Variants in AMER2 observed in about 807,000 individuals in gnomAD.
AMER2 encodes APC membrane recruitment protein 2, also known as family with sequence similarity 123A.
Under a neutral mutation model 4.7 loss-of-function variants are expected in AMER2, and 1 was observed. The observed-to-expected ratio is 0.21, with a 90% CI of 0.07 to 1.00. AMER2 has a LOEUF of 1.00. AMER2 is among the 50% of genes least tolerant of loss of function. AMER2 has a pLI of 0.60. For synonymous variants in AMER2, 485 were observed against 433.3 expected (o/e 1.12, Z -1.48); for missense variants, 988 against 966.9 (o/e 1.02, Z -0.29).
rs1237226944 is a variant in AMER2, at chr13:25,169,849, T to C, written c.1771A>G (p.Thr591Ala). The C allele has an allele frequency of 6.2e-7, 1 of 1,614,016 alleles. No individual in the cohort carries two copies. Among genetic ancestry groups the C allele is most frequent in the Non-Finnish European group, 8.5e-7 (1 of 1,179,976 alleles). ...LSRLKPVSPG[T>A]ITCPLRTPGS... ...GGTGTTCGCAGTGGACAGGTGATGG[T>C]GCCTGGAGATACGGGCTTTAACCGG... Residue 591 changes from threonine (T) to alanine (A), a missense_variant, in exon 1 of 1, where the codon ACC (threonine) becomes GCC (alanine). Physicochemically the swap from Thr to Ala is moderately conservative, Grantham distance 58. Transcript: ENST00000515384. This position sits in a 1 kb window ranked among gnomAD's most constrained non-coding sequence, Gnocchi z 4.2.
At position 25,170,064 on chromosome 13, in the gene AMER2, T is replaced by A; in HGVS notation, c.1556A>T (p.Asn519Ile). The change falls in exon 1 of 1, where the codon AAC becomes ATC. Residue 519 changes from asparagine to isoleucine, a missense_variant. By Grantham distance (149) the Asn-to-Ile change is moderately radical. Coordinates refer to ENST00000515384, the MANE Select transcript of AMER2 (RefSeq NM_152704.4). This position sits in a 1 kb window ranked among gnomAD's most constrained non-coding sequence, Gnocchi z 7.3. ...GGAGTCCCAGTAGCCCTCGTCGCTG[T>A]TGGGGACGCCTTCCTGCTGCTCCTT... ...PEKEQQEGVP[N>I]SDEGYWDSTT... 1.2e-6 allele frequency: 2 copies of A among 1,613,988 alleles called. No homozygotes were observed. The highest frequency in any genetic ancestry group is 1.7e-6 in the Non-Finnish European group (2 of 1,179,990).
rs1956431009 is a variant in AMER2 at position 25,163,219 on chromosome 13, A to T, written c.*6385T>A. The T allele has an allele frequency of 6.6e-6, 1 of 152,256 alleles. No individual in the cohort carries two copies. Among genetic ancestry groups the T allele is most frequent in the Non-Finnish European group, 1.5e-5 (1 of 68,050 alleles). The allele number at this position is 152,256 out of a possible 1,614,324, so 9.4% of individuals were successfully genotyped here. On this transcript the variant is annotated 3_prime_UTR_variant, in exon 1 of 1. Coordinates refer to ENST00000515384, the MANE Select transcript of AMER2 (RefSeq NM_152704.4). ...GAACCCTTGTGCACCATTGGTAAGT[A>T]TGTAAACAGATGCAACCACTGTGGA...
At position 25,170,729 on chromosome 13, in the gene AMER2, T is replaced by C; in HGVS notation, c.891A>G (p.Gly297=). Residue 297 remains glycine, a synonymous_variant, in exon 1 of 1, where the codon GGA becomes GGG. Transcript: ENST00000515384. The surrounding 1 kb of genome is among the most constrained non-coding windows in gnomAD (Gnocchi z 7.3). ...CGCGCCGATGCCCCGCGGCGTCCTC[T>C]CCCCGGGCGCCGGTGTCGCCGGGGT... ...LAHPGDTGAR[G]EDAAGHRRAE... is the part of the protein sequence containing the mutation. 7.0e-7 allele frequency: 1 copy of C among 1,433,130 alleles called. No homozygotes were observed. Among genetic ancestry groups the C allele is most frequent in the East Asian group, 3.0e-5 (1 of 33,796 alleles). 88.8% of individuals were successfully genotyped at this position (1,433,130 alleles called of 1,614,324 possible).
At position 25,171,179 on chromosome 13, in the gene AMER2, G is replaced by C. The variant is rs777373064; in HGVS notation, c.441C>G (p.Pro147=). The C allele has an allele frequency of 6.6e-7, 1 of 1,516,662 alleles. No individual in the cohort carries two copies. Among genetic ancestry groups the C allele is most frequent in the Non-Finnish European group, 8.8e-7 (1 of 1,132,338 alleles). The allele number at this position is 1,516,662 out of a possible 1,614,324, so 94.0% of individuals were successfully genotyped here. ...PNPGPPRAAG[P]GGGSLASSSV... ...AGCTGCTGGCGAGGGAGCCCCCGCC[G>C]GGCCCTGCGGCTCTGGGGGGCCCCG... The change falls in exon 1 of 1, where the codon CCC becomes CCG. Residue 147 remains proline, a synonymous_variant. Transcript: ENST00000515384. This position sits in a 1 kb window ranked among gnomAD's most constrained non-coding sequence, Gnocchi z 5.9.
rs1226009625 is a variant in AMER2, at chr13:25,169,437, C to G, written c.*167G>C. The G allele has an allele frequency of 1.3e-5, 10 of 797,526 alleles. No individual in the cohort carries two copies. The highest frequency in any genetic ancestry group is 1.8e-5 in the African/African-American group (1 of 57,102). 49.4% of individuals were successfully genotyped at this position (797,526 alleles called of 1,614,324 possible). On this transcript the variant is annotated 3_prime_UTR_variant, in exon 1 of 1. Coordinates refer to ENST00000515384, the MANE Select transcript of AMER2 (RefSeq NM_152704.4). The surrounding 1 kb of genome is among the most constrained non-coding windows in gnomAD (Gnocchi z 4.2). ...ATCCCTCTTTCTGGTGTTATCCGGT[C>G]CCTGCTCAGGGCACAAAGACCTCCT...
rs2137432735 is a variant in AMER2 at position 25,165,154 on chromosome 13, T to C, written c.*4450A>G. ...CACGAAACTATCATTCTGAATCACC[T>C]CTTAAAAACATCATCTGCAGTGACA... On this transcript the variant is annotated 3_prime_UTR_variant, in exon 1 of 1. Transcript: ENST00000515384. 1 of 152,374 alleles carries C rather than the reference T, an allele frequency of 6.6e-6. No homozygotes were observed. The highest frequency in any genetic ancestry group is 1.5e-5 in the Non-Finnish European group (1 of 68,038). 9.4% of individuals were successfully genotyped at this position (152,374 alleles called of 1,614,324 possible).
rs2137430982 is a variant in AMER2 at position 25,164,179 on chromosome 13, C to A, written c.*5425G>T. ...TCTTACTGCAATTAAAACACACACA[C>A]ATATGCATAGACCACCCAGAACCCA... On this transcript the variant is annotated 3_prime_UTR_variant, in exon 1 of 1. Coordinates refer to ENST00000515384, the MANE Select transcript of AMER2 (RefSeq NM_152704.4). 6.6e-6 allele frequency: 1 copy of A among 151,314 alleles called. No homozygotes were observed. Among genetic ancestry groups the A allele is most frequent in the African/African-American group, 2.4e-5 (1 of 41,202 alleles). 9.4% of individuals were successfully genotyped at this position (151,314 alleles called of 1,614,324 possible).
In AMER2 at chr13:25,170,421, A is replaced by G. The variant is rs944735497; in HGVS notation, c.1199T>C (p.Val400Ala). The change falls in exon 1 of 1, where the codon GTC becomes GCC. Residue 400 changes from valine to alanine, a missense_variant. By Grantham distance (64) the Val-to-Ala change is moderately conservative (BLOSUM62 0). Coordinates refer to ENST00000515384, the MANE Select transcript of AMER2 (RefSeq NM_152704.4). The surrounding 1 kb of genome is among the most constrained non-coding windows in gnomAD (Gnocchi z 7.3). ...EEAGPSCDKH[V>A]PGPGKPALSK... is the part of the protein sequence containing the mutation. ...CAGAGCCGGCTTGCCTGGCCCGGGG[A>G]CATGCTTGTCACAGCTGGGACCTGC... 6.2e-7 allele frequency: 1 copy of G among 1,614,062 alleles called. No individual in the cohort carries two copies. Among genetic ancestry groups the G allele is most frequent in the Admixed American group, 1.7e-5 (1 of 60,024 alleles).
In AMER2 at chr13:25,171,214, GC is replaced by G; in HGVS notation, c.405del (p.Arg136GlyfsTer32). The G allele has an allele frequency of 7.3e-7, 1 of 1,365,076 alleles. No homozygotes were observed. The allele number at this position is 1,365,076 out of a possible 1,614,324, so 84.6% of individuals were successfully genotyped here. On this transcript the variant is annotated frameshift_variant, in exon 1 of 1. Coordinates refer to ENST00000515384, the MANE Select transcript of AMER2 (RefSeq NM_152704.4). LOFTEE classifies it low-confidence loss of function (END_TRUNC). The surrounding 1 kb of genome is among the most constrained non-coding windows in gnomAD (Gnocchi z 5.9). ...GGGDSGGGGG[G>X]RPNPGPPRAA... ...GCTCTGGGGGGCCCCGGGTTCGGCC[GC>G]CCCCCGCCGCCCCCGCCGCTGTCGC... is the stretch of plus-strand genomic sequence containing the variant.
In AMER2 at chr13:25,166,239, T is replaced by C. The variant is rs1241001997; in HGVS notation, c.*3365A>G. Reference sequence around the variant, plus strand: ...GAAAATGTATCTAAAGGAAGTCCTTTGTATTCTATATTCCATTGTTGTTAT... The same window carrying C: ...GAAAATGTATCTAAAGGAAGTCCTTCGTATTCTATATTCCATTGTTGTTAT... On this transcript the variant is annotated 3_prime_UTR_variant, in exon 1 of 1. Coordinates refer to ENST00000515384, the MANE Select transcript of AMER2 (RefSeq NM_152704.4). 2 of 152,250 alleles carry C rather than the reference T, an allele frequency of 1.3e-5. No individual in the cohort carries two copies. Among genetic ancestry groups the C allele is most frequent in the Non-Finnish European group, 2.9e-5 (2 of 68,042 alleles). 9.4% of individuals were successfully genotyped at this position (152,250 alleles called of 1,614,324 possible). A position where few individuals can be genotyped will look rare whatever the true frequency, so the allele number is the denominator to read the frequency against.
At position 25,170,443 on chromosome 13, in the gene AMER2, C is replaced by A. The variant is rs1465289897; in HGVS notation, c.1177G>T (p.Gly393Cys). ...GGGACATGCTTGTCACAGCTGGGACCTGCCTCTTCCTCTTGGTCTGCAATA... is the reference window on the plus strand; with the variant it reads ...GGGACATGCTTGTCACAGCTGGGACATGCCTCTTCCTCTTGGTCTGCAATA... ...DIIADQEEEA[G>C]PSCDKHVPGP... Residue 393 changes from glycine to cysteine, a missense_variant, in exon 1 of 1, where the codon GGT becomes TGT. Gly to Cys is a radical substitution (Grantham distance 159). Transcript: ENST00000515384. This position sits in a 1 kb window ranked among gnomAD's most constrained non-coding sequence, Gnocchi z 7.3. 6.2e-7 allele frequency: 1 copy of A among 1,614,210 alleles called. No individual in the cohort carries two copies. Among genetic ancestry groups the A allele is most frequent in the Non-Finnish European group, 8.5e-7 (1 of 1,180,036 alleles).
chr13:25,169,374 T>C lies in AMER2; in HGVS notation c.*230A>G, dbSNP rs1287666315. The C allele has an allele frequency of 2.2e-6, 1 of 446,826 alleles. No homozygotes were observed. The allele number at this position is 446,826 out of a possible 1,614,324, so 27.7% of individuals were successfully genotyped here. On this transcript the variant is annotated 3_prime_UTR_variant, in exon 1 of 1. Coordinates refer to ENST00000515384, the MANE Select transcript of AMER2 (RefSeq NM_152704.4). The surrounding 1 kb of genome is among the most constrained non-coding windows in gnomAD (Gnocchi z 4.2). ...AGAAAAAAGTGCTTGAAAATAATTC[T>C]CAGGGACTTATCTTGAGAGGAGAAA...
In AMER2 at chr13:25,164,723, G is replaced by A. The variant is rs1394413539; in HGVS notation, c.*4881C>T. The A allele has an allele frequency of 1.3e-5, 2 of 149,290 alleles. No individual in the cohort carries two copies. The highest frequency in any genetic ancestry group is 3.0e-5 in the Non-Finnish European group (2 of 67,312). The allele number at this position is 149,290 out of a possible 1,614,324, so 9.2% of individuals were successfully genotyped here. A position where few individuals can be genotyped will look rare whatever the true frequency, so the allele number is the denominator to read the frequency against. On this transcript the variant is annotated 3_prime_UTR_variant, in exon 1 of 1. Coordinates refer to ENST00000515384, the MANE Select transcript of AMER2 (RefSeq NM_152704.4). ...AATTATTTCTAAATCTCCTAGCAGT[G>A]CCTGACACATAGTAAGTATTCAATG...
In AMER2 at chr13:25,171,379, G is replaced by A; in HGVS notation, c.241C>T (p.Pro81Ser). ...FKKRKSGGTM[P>S]SIFGVKNKGD... The stretch of plus-strand genomic sequence containing the variant: ...TTGTTTTTGACCCCAAAAATGCTGG[G>A]CATGGTGCCACCCGATTTCCTCTTC... Residue 81 changes from proline to serine, a missense_variant, in exon 1 of 1, where the codon CCC (proline) becomes TCC (serine). Coordinates refer to ENST00000515384, the MANE Select transcript of AMER2 (RefSeq NM_152704.4). This position sits in a 1 kb window ranked among gnomAD's most constrained non-coding sequence, Gnocchi z 5.9. The A allele has an allele frequency of 2.5e-6, 4 of 1,612,904 alleles. No homozygotes were observed. The highest frequency in any genetic ancestry group is 3.4e-6 in the Non-Finnish European group (4 of 1,179,620).
rs1478211894 is a variant in AMER2 at position 25,166,417 on chromosome 13, C to T, written c.*3187G>A. ...ATTGGTGCTAATGGCAGGATAAACG[C>T]ATCAACCACCATCTGTACTAAAGCA... On this transcript the variant is annotated 3_prime_UTR_variant, in exon 1 of 1. Transcript: ENST00000515384. 6.6e-6 allele frequency: 1 copy of T among 152,136 alleles called. No homozygotes were observed. The highest frequency in any genetic ancestry group is 1.5e-5 in the Non-Finnish European group (1 of 68,026). The allele number at this position is 152,136 out of a possible 1,614,324, so 9.4% of individuals were successfully genotyped here. A position where few individuals can be genotyped will look rare whatever the true frequency, so the allele number is the denominator to read the frequency against.
At position 25,169,862 on chromosome 13, in the gene AMER2, G is replaced by T. The variant is rs762850029; in HGVS notation, c.1758C>A (p.Pro586=). The change falls in exon 1 of 1, where the codon CCC becomes CCA. Residue 586 remains proline, a synonymous_variant. Coordinates refer to ENST00000515384, the MANE Select transcript of AMER2 (RefSeq NM_152704.4). This position sits in a 1 kb window ranked among gnomAD's most constrained non-coding sequence, Gnocchi z 4.2. ...GACAGGTGATGGTGCCTGGAGATAC[G>T]GGCTTTAACCGGGACAGGGAGGACG... ...EETSSLSRLK[P]VSPGTITCPL... is the part of the protein sequence containing the mutation. 1 of 1,613,992 alleles carries T rather than the reference G, an allele frequency of 6.2e-7. No homozygotes were observed. Among genetic ancestry groups the T allele is most frequent in the Admixed American group, 1.7e-5 (1 of 59,996 alleles).
rs2137433142 is a variant in AMER2 at position 25,165,325 on chromosome 13, T to C, written c.*4279A>G. The C allele has an allele frequency of 6.6e-6, 1 of 152,346 alleles. No homozygotes were observed. The highest frequency in any genetic ancestry group is 6.5e-5 in the Admixed American group (1 of 15,306). The allele number at this position is 152,346 out of a possible 1,614,324, so 9.4% of individuals were successfully genotyped here. A position where few individuals can be genotyped will look rare whatever the true frequency, so the allele number is the denominator to read the frequency against. ...AGGTCTCACAATCAATGGCCGCCTG[T>C]GAGGAGCCACACTTACACGCTGCAC... On this transcript the variant is annotated 3_prime_UTR_variant, in exon 1 of 1. Coordinates refer to ENST00000515384, the MANE Select transcript of AMER2 (RefSeq NM_152704.4).
In AMER2 at chr13:25,171,557, C is replaced by T. The variant is rs1177219493; in HGVS notation, c.63G>A (p.Ala21=). 6.4e-7 allele frequency: 1 copy of T among 1,565,120 alleles called. No homozygotes were observed. Among genetic ancestry groups the T allele is most frequent in the Non-Finnish European group, 8.6e-7 (1 of 1,165,364 alleles). ...CCTTCCTCCTGCAGACCCCCACGGA[C>T]GCGCCAGCTCCGCCGCGCTCGCTGA... ...GAVSERGGAG[A]SVGVCRRKAE... Residue 21 remains alanine, a synonymous_variant, in exon 1 of 1, where the codon GCG becomes GCA. Transcript: ENST00000515384. This position sits in a 1 kb window ranked among gnomAD's most constrained non-coding sequence, Gnocchi z 5.9.
At position 25,167,538 on chromosome 13, in the gene AMER2, G is replaced by C. The variant is rs1231229043; in HGVS notation, c.*2066C>G. 1 of 152,190 alleles carries C rather than the reference G, an allele frequency of 6.6e-6. No homozygotes were observed. 9.4% of individuals were successfully genotyped at this position (152,190 alleles called of 1,614,324 possible). ...CAGTTGAGTGCATGAGCACGTGAGTGTGAGATGCTTATATGAATTCTTGGT... is the reference window on the plus strand; with the variant it reads ...CAGTTGAGTGCATGAGCACGTGAGTCTGAGATGCTTATATGAATTCTTGGT... On this transcript the variant is annotated 3_prime_UTR_variant, in exon 1 of 1. Transcript: ENST00000515384.
Sources: allele counts gnomAD v4.1 joint callset, GRCh38; gene constraint gnomAD v4.1.1; non-coding constraint Gnocchi (gnomAD v3.1); transcripts MANE v1.5; gene names NCBI Gene and HGNC (gene_info 2026-07-23, HGNC 2026-07-21).